The following OSBPL10 variants were observed in gnomAD, a reference collection of about 807,000 sequenced individuals.
OSBPL10 encodes oxysterol-binding protein-related protein 10.
In OSBPL10, 49 loss-of-function variants were observed where a neutral mutation model predicts 81.7. The ratio of observed to expected loss-of-function variants is 0.60; its 90% CI spans 0.48 to 0.76. The LOEUF (loss-of-function observed/expected upper bound fraction) is 0.76. Among genes scored for constraint, OSBPL10 ranks in the 30% least tolerant of loss-of-function variants. The probability of loss-of-function intolerance (pLI) is 0.00; values close to 1 mark genes in which losing one functional copy is unlikely to be tolerated. For synonymous variants in OSBPL10, 419 were observed against 383.6 expected (o/e 1.09, Z -1.08); for missense variants, 923 against 987.8 (o/e 0.93, Z 0.88).
intron 2 of OSBPL10, among the ~76,000 whole-genome samples, chr3:32,026,070 G>GATAC (rs984677734): frequency 1.0e-5 from 1 of 100,196 alleles, no homozygotes; most frequent in African/African-American, 3.1e-5. Context: ...TAGATAGATA[G>GATAC]ATAGATAGAT....
intron 3 of OSBPL10, among the ~76,000 whole-genome samples, chr3:31,865,927 T>C (rs1300502268): frequency 2.6e-5 from 4 of 152,186 alleles, no homozygotes; most frequent in South Asian, 2.1e-4. Context: ...AGTAGTTGGA[T>C]AGACCAGGAT....
intron 2 of OSBPL10, among the ~76,000 whole-genome samples, chr3:32,034,484 T>A: frequency 6.7e-6 from 1 of 150,130 alleles, no homozygotes; most frequent in Non-Finnish European, 1.5e-5. Flanking sequence ...GTAAATACTC[T>A]CCCCTCTAAA....
chr3:31,861,850 G>A (rs1701063070), intron 3 of OSBPL10, among the ~76,000 whole-genome samples: 1 of 152,132 alleles, frequency 6.6e-6, no homozygotes, highest in Non-Finnish European at 1.5e-5. Context: ...TGTCTGGAGG[G>A]GTCACGAAAG....
At chr3:31,812,818 GAGAAAGAA>G (rs745663706) in intron 4 of OSBPL10, among the ~76,000 whole-genome samples, 37 of 25,876 alleles carry the variant, frequency 1.4e-3, no homozygotes, top group African/African-American at 6.0e-3. Flanking sequence ...AAGAAAGAAA[GAGAAAGAA>G]AGAAAGAAAG....
At chr3:31,670,702 CTCA>C in intron 9 of OSBPL10, 92 bp downstream of exon 9, 1 of 1,316,124 alleles carries the variant, frequency 7.6e-7, no homozygotes, top group Non-Finnish European at 1.0e-6. Context: ...TGATTTTCAA[CTCA>C]TCCCATTACT....
At chr3:31,689,801 C>G (rs1346245758) in intron 7 of OSBPL10, among the ~76,000 whole-genome samples, 1 of 152,028 alleles carries the variant, frequency 6.6e-6, no homozygotes, top group African/African-American at 2.4e-5. Flanking sequence ...GCCTCCCCAG[C>G]CATTTGGAAC....
At chr3:31,830,618 C>T (rs1700216001) in intron 3 of OSBPL10, among the ~76,000 whole-genome samples, 1 of 152,196 alleles carries the variant, frequency 6.6e-6, no homozygotes, top group Non-Finnish European at 1.5e-5. Context: ...CCTTCAAACT[C>T]AGCATGGTGT....
chr3:31,664,244 TGGA>T lies in OSBPL10; in HGVS notation c.2097-15_2097-13del, dbSNP rs768904914. 7.4e-6 allele frequency: 12 copies of T among 1,611,140 alleles called. No homozygotes were observed. Among genetic ancestry groups the T allele is most frequent in the Non-Finnish European group, 1.0e-5 (12 of 1,179,632 alleles). On this transcript the variant is annotated splice_polypyrimidine_tract_variant and intron_variant, in intron 10 of 11. Transcript: ENST00000396556. ...CCCGCCAGAGGTTCCTGGGGATGCGTGGAGGAGAGGAAACAATCAGCCAGGCCA... is the reference window on the plus strand; with the variant it reads ...CCCGCCAGAGGTTCCTGGGGATGCGTGGAGAGGAAACAATCAGCCAGGCCA...
chr3:31,837,236 T>C (rs1700375390), intron 3 of OSBPL10, among the ~76,000 whole-genome samples: 1 of 151,076 alleles, frequency 6.6e-6, no homozygotes, highest in South Asian at 2.1e-4. Flanking sequence ...AACTTCAATT[T>C]AACCACCTAT....
chr3:31,897,260 A>G (rs1157663751), intron 1 of OSBPL10, among the ~76,000 whole-genome samples: 2 of 152,188 alleles, frequency 1.3e-5, no homozygotes, highest in Non-Finnish European at 2.9e-5. Flanking sequence ...TTGAAAAAGA[A>G]GAGCTTTGCT....
chr3:31,866,624 G>A (rs1472904234), intron 3 of OSBPL10, among the ~76,000 whole-genome samples: 1 of 152,164 alleles, frequency 6.6e-6, no homozygotes, highest in Non-Finnish European at 1.5e-5. Context: ...CAAAGGCGGG[G>A]GAGGAGAGTT....
chr3:31,862,488 T>G (rs6550078), intron 3 of OSBPL10, among the ~76,000 whole-genome samples: 19,068 of 152,186 alleles, frequency 0.13, 3,087 homozygotes, highest in African/African-American at 0.37. Context: ...GTAATGCTTT[T>G]TTTTTATTTT....
intron 1 of OSBPL10, among the ~76,000 whole-genome samples, chr3:31,955,527 C>T (rs1697984701): frequency 6.6e-6 from 1 of 152,216 alleles, no homozygotes. Context: ...GGAAGCCACC[C>T]TCTTGGTAAC....
chr3:31,674,397 AT>A lies in OSBPL10; in HGVS notation c.1727-3415del, dbSNP rs771531205. Reference sequence around the variant, plus strand: ...GACGAAGCCTCATTTCTATAAAAAAATTTTAAAAAAAAATTAGCTGTGCATG... The same window carrying A: ...GACGAAGCCTCATTTCTATAAAAAAATTTAAAAAAAAATTAGCTGTGCATG... On this transcript the variant is annotated intron_variant, in intron 8 of 11. Coordinates refer to ENST00000396556, the MANE Select transcript of OSBPL10 (RefSeq NM_017784.5). 3.6e-4 allele frequency among the ~76,000 whole-genome samples: 54 copies of A among 150,412 alleles called. 1 individual carries two copies. The East Asian group carries it at 6.8e-3, about 19-fold the overall frequency.
intron 1 of OSBPL10, among the ~76,000 whole-genome samples, chr3:32,058,717 G>T (rs1699731905): frequency 6.6e-6 from 1 of 152,114 alleles, no homozygotes; most frequent in African/African-American, 2.4e-5. Context: ...GCCTAGGCTG[G>T]AATACAGTGG....
At chr3:31,929,473 C>T (rs932113028) in intron 1 of OSBPL10, among the ~76,000 whole-genome samples, 7 of 152,062 alleles carry the variant, frequency 4.6e-5, no homozygotes, top group East Asian at 1.9e-4. Context: ...ATCGGCCGGG[C>T]GCGGTGGCTC....
chr3:31,750,715 T>A (rs1378604275), intron 4 of OSBPL10, among the ~76,000 whole-genome samples: 1 of 152,068 alleles, frequency 6.6e-6, no homozygotes. Flanking sequence ...GAAATCATGA[T>A]GAAACATGAT....
At chr3:31,892,590 A>T (rs1476334418) in intron 1 of OSBPL10, among the ~76,000 whole-genome samples, 1 of 152,202 alleles carries the variant, frequency 6.6e-6, no homozygotes, top group Non-Finnish European at 1.5e-5. Context: ...AACAGTAGAA[A>T]CTGACCAAAC....
chr3:31,819,763 G>A (rs1699936121), intron 4 of OSBPL10, among the ~76,000 whole-genome samples: 1 of 152,240 alleles, frequency 6.6e-6, no homozygotes, highest in African/African-American at 2.4e-5. Context: ...ACTTGGAGAA[G>A]CTACAGTTCC....
Sources: allele counts gnomAD v4.1 joint callset (sites outside exome capture counted in the v4.1 genomes callset), GRCh38; gene constraint gnomAD v4.1.1; transcripts MANE v1.5; gene names NCBI Gene and HGNC (gene_info 2026-07-23, HGNC 2026-07-21).